The following EMC2 variants were observed in gnomAD, a reference collection of about 807,000 sequenced individuals.
The protein encoded by EMC2 is ER membrane protein complex subunit 2, also known as TPR repeat protein 35.
In EMC2, 37 loss-of-function variants were observed where a neutral mutation model predicts 51.6. The ratio of observed to expected loss-of-function variants is 0.72; its 90% CI spans 0.55 to 0.94. The LOEUF (loss-of-function observed/expected upper bound fraction) is 0.94, where lower values mean the gene tolerates loss of function less well. EMC2 is among the 40% of genes least tolerant of loss of function. The probability of loss-of-function intolerance (pLI) is 0.00; values close to 1 mark genes in which losing one functional copy is unlikely to be tolerated. For missense variants in EMC2, 359 were observed against 350.9 expected (o/e 1.02, Z -0.18); for synonymous variants, 131 against 112.4 (o/e 1.17, Z -1.04).
chr8:108,468,272 G>A (rs1810773371), intron 5 of EMC2, among the ~76,000 whole-genome samples: 1 of 152,096 alleles, frequency 6.6e-6, no homozygotes, highest in Non-Finnish European at 1.5e-5. Context: ...TACTTTCAGA[G>A]CTTTACTTTT....
At chr8:108,453,432 A>C (rs746382990) in intron 4 of EMC2, among the ~76,000 whole-genome samples, 3 of 152,256 alleles carry the variant, frequency 2.0e-5, no homozygotes, top group South Asian at 2.1e-4. Context: ...TATTCTGGAT[A>C]AAAGCTTTGT....
chr8:108,448,292 G>A (rs1818929086), intron 1 of EMC2, among the ~76,000 whole-genome samples: 1 of 152,176 alleles, frequency 6.6e-6, no homozygotes, highest in African/African-American at 2.4e-5. Flanking sequence ...AAAAGATGGA[G>A]TTTAGATTCA....
chr8:108,480,126 G>T (rs894544415), intron 10 of EMC2, among the ~76,000 whole-genome samples: 1 of 151,968 alleles, frequency 6.6e-6, no homozygotes, highest in African/African-American at 2.4e-5. Flanking sequence ...TTTGAGAAAA[G>T]TTGCTTTTAG....
intron 3 of EMC2, 139 bp downstream of exon 3, chr8:108,450,631 G>C: frequency 1.6e-6 from 1 of 631,596 alleles, no homozygotes; most frequent in Non-Finnish European, 2.9e-6. Flanking sequence ...GAACTAACTA[G>C]ATATTTTAGG....
chr8:108,458,996 A>C (rs1436033076), intron 5 of EMC2, among the ~76,000 whole-genome samples: 1 of 152,130 alleles, frequency 6.6e-6, no homozygotes, highest in African/African-American at 2.4e-5. Context: ...CAGATACCCT[A>C]AATCATCTCT....
rs974156506 is a variant in EMC2 at position 108,456,928 on chromosome 8, A to G, written c.363+998A>G. Among the ~76,000 whole-genome samples the G allele has an allele frequency of 8.0e-4, 121 of 152,180 alleles. 3 individuals are homozygous for G. The highest frequency in any genetic ancestry group is 2.5e-4 in the Non-Finnish European group (17 of 68,014). On this transcript the variant is annotated intron_variant, in intron 5 of 10. Coordinates refer to ENST00000220853, the MANE Select transcript of EMC2 (RefSeq NM_014673.5). ...CAGGTTGAGTTTTTTTCTTTTATAG[A>G]AGGAGAAATTGTTGTATTAACACAA...
At chr8:108,475,756 T>C in intron 7 of EMC2, 126 bp from the exon 8 acceptor site, 1 of 557,092 alleles carries the variant, frequency 1.8e-6, no homozygotes, top group Non-Finnish European at 3.2e-6. Flanking sequence ...TTAATAAAGC[T>C]ATGTAAATTA....
intron 5 of EMC2, 131 bp from the exon 6 acceptor site, chr8:108,469,695 T>G (rs1810812220): frequency 1.2e-5 from 8 of 672,082 alleles, no homozygotes; most frequent in Non-Finnish European, 2.1e-5. Context: ...GTTTATAAAC[T>G]CCCACTAAGC....
chr8:108,468,705 A>C (rs1810788539), intron 5 of EMC2, among the ~76,000 whole-genome samples: 1 of 152,192 alleles, frequency 6.6e-6, no homozygotes, highest in African/African-American at 2.4e-5. Context: ...ATATTATATC[A>C]ACAATAAGAA....
chr8:108,444,817 C>G (rs536343545), intron 1 of EMC2, among the ~76,000 whole-genome samples: 3 of 152,250 alleles, frequency 2.0e-5, no homozygotes, highest in East Asian at 1.9e-4. Flanking sequence ...TTTCTTACTG[C>G]AAAATCTTGG....
intron 5 of EMC2, among the ~76,000 whole-genome samples, chr8:108,457,368 G>GTC (rs1554617550): frequency 7.5e-6 from 1 of 133,546 alleles, no homozygotes; most frequent in Non-Finnish European, 1.7e-5. Flanking sequence ...GTGTGTGTGT[G>GTC]TGTGTCTATG....
intron 5 of EMC2, among the ~76,000 whole-genome samples, chr8:108,461,214 G>T (rs1373240792): frequency 6.6e-6 from 1 of 152,052 alleles, no homozygotes. Flanking sequence ...CCTTTTATTT[G>T]TCTTATGCCT....
At chr8:108,478,366 G>T (rs1034021630) in intron 9 of EMC2, among the ~76,000 whole-genome samples, 3 of 151,938 alleles carry the variant, frequency 2.0e-5, no homozygotes, top group African/African-American at 7.2e-5. Context: ...AAAAGGAGAG[G>T]GTGGATCAAA....
chr8:108,445,649 C>T (rs1206508049), intron 1 of EMC2, among the ~76,000 whole-genome samples: 1 of 151,850 alleles, frequency 6.6e-6, no homozygotes, highest in East Asian at 1.9e-4. Context: ...CACCTGCAAT[C>T]CTTCGATTAT....
chr8:108,462,585 C>A (rs1479852932), intron 5 of EMC2, among the ~76,000 whole-genome samples: 1 of 152,068 alleles, frequency 6.6e-6, no homozygotes, highest in Non-Finnish European at 1.5e-5. Flanking sequence ...TTCATCTGTA[C>A]CCACTTTCTG....
At chr8:108,462,674 C>G (rs779699592) in intron 5 of EMC2, among the ~76,000 whole-genome samples, 25 of 152,124 alleles carry the variant, frequency 1.6e-4, no homozygotes, top group Non-Finnish European at 2.6e-4. Context: ...AGTTGCCAGT[C>G]TAATTAGTTA....
In EMC2 at chr8:108,488,195, C is replaced by T. The variant is rs1357930745; in HGVS notation, c.*1597C>T. On this transcript the variant is annotated 3_prime_UTR_variant, in exon 11 of 11. Transcript: ENST00000220853. Reference sequence around the variant, plus strand: ...TTTTTTTTTTTTTTTGAGACAGTCTCGTTCTGTCACCCAGGCTGGAGTGCA... The same window carrying T: ...TTTTTTTTTTTTTTTGAGACAGTCTTGTTCTGTCACCCAGGCTGGAGTGCA... Among the ~76,000 whole-genome samples the T allele has an allele frequency of 6.9e-6, 1 of 145,236 alleles. No individual in the cohort carries two copies. The highest frequency in any genetic ancestry group is 1.5e-5 in the Non-Finnish European group (1 of 66,822).
chr8:108,463,623 A>C (rs965064266), intron 5 of EMC2, among the ~76,000 whole-genome samples: 1 of 152,146 alleles, frequency 6.6e-6, no homozygotes, highest in African/African-American at 2.4e-5. Flanking sequence ...CTATTGTGAT[A>C]TATCAAATAT....
intron 5 of EMC2, among the ~76,000 whole-genome samples, chr8:108,462,999 T>G (rs1259747395): frequency 6.6e-6 from 1 of 152,222 alleles, no homozygotes. Flanking sequence ...AGGGCAAGGT[T>G]CTGGTGCTCT....
Sources: gnomAD v4.1 joint callset for allele counts (sites outside exome capture counted in the v4.1 genomes callset) on GRCh38, gnomAD v4.1.1 for gene constraint, MANE v1.5 for transcripts, NCBI Gene and HGNC (gene_info 2026-07-23, HGNC 2026-07-21) for gene names.